The following RIMS2 variants were observed in gnomAD, a reference collection of about 807,000 sequenced individuals.
RIMS2 encodes the protein regulating synaptic membrane exocytosis 2, also known as regulating synaptic membrane exocytosis protein 2.
In RIMS2, 59 loss-of-function variants were observed where a neutral mutation model predicts 174.4. That is an observed-to-expected ratio of 0.34 (90% CI 0.27 to 0.42). The LOEUF is 0.42. Among genes scored for constraint, RIMS2 ranks in the 10% least tolerant of loss-of-function variants. The pLI is 1.00. For missense variants in RIMS2, 1,620 were observed against 1,666.3 expected (o/e 0.97, Z 0.48); for synonymous variants, 606 against 572.5 (o/e 1.06, Z -0.84).
chr8:103,776,182 A>T (rs1244390058), intron 3 of RIMS2, among the ~76,000 whole-genome samples: 1 of 152,152 alleles, frequency 6.6e-6, no homozygotes, highest in African/African-American at 2.4e-5. Flanking sequence ...AGGGTTCTCA[A>T]CTGAAATATA....
At chr8:104,255,192 T>C (rs1476592811), downstream of RIMS2, 1 of 152,098 alleles carries the variant, frequency 6.6e-6, no homozygotes, top group African/African-American at 2.4e-5. Context: ...GTCCCATATA[T>C]TTTTCCTTTA....
At chr8:103,916,701 A>T (rs1160995736) in intron 8 of RIMS2, among the ~76,000 whole-genome samples, 164 bp downstream of exon 11, 1 of 152,268 alleles carries the variant, frequency 6.6e-6, no homozygotes, top group South Asian at 2.1e-4. Flanking sequence ...AAATAATGAT[A>T]TCTCTTTATC....
At chr8:104,096,628 G>C (rs566275275) in intron 19 of RIMS2, among the ~76,000 whole-genome samples, 1 of 152,222 alleles carries the variant, frequency 6.6e-6, no homozygotes, top group East Asian at 1.9e-4. Context: ...CCAGCACTTT[G>C]GGAGTCTGAG....
At chr8:103,835,048 G>A (rs972949149) in intron 3 of RIMS2, among the ~76,000 whole-genome samples, 11 of 151,760 alleles carry the variant, frequency 7.2e-5, no homozygotes, top group African/African-American at 2.4e-4. Context: ...TGGGATTACA[G>A]GCATGAGCCC....
chr8:104,179,184 T>A (rs1249966478), intron 19 of RIMS2, among the ~76,000 whole-genome samples: 1 of 152,036 alleles, frequency 6.6e-6, no homozygotes, highest in Non-Finnish European at 1.5e-5. Flanking sequence ...GGTTAATCTA[T>A]AAAAACTTCA....
chr8:104,167,036 G>T (rs533355559), intron 19 of RIMS2, among the ~76,000 whole-genome samples: 5 of 152,234 alleles, frequency 3.3e-5, no homozygotes, highest in African/African-American at 1.2e-4. Flanking sequence ...TGGGCACTTA[G>T]ATTTGTTCCA....
intron 17 of RIMS2, among the ~76,000 whole-genome samples, chr8:104,006,541 ACTC>A (rs1355555649): frequency 6.6e-6 from 1 of 151,404 alleles, no homozygotes; most frequent in African/African-American, 2.4e-5. Flanking sequence ...CAAGAGCAAA[ACTC>A]CTCAAAAATA....
intron 1 of RIMS2, among the ~76,000 whole-genome samples, chr8:103,604,160 T>G (rs2094921371): frequency 6.7e-6 from 1 of 150,312 alleles, no homozygotes; most frequent in Admixed American, 6.6e-5. Context: ...TAATCCATCT[T>G]GAATTAATTT....
intron 14 of RIMS2, among the ~76,000 whole-genome samples, chr8:103,955,886 A>T (rs1215162926): frequency 6.6e-6 from 1 of 152,214 alleles, no homozygotes; most frequent in Non-Finnish European, 1.5e-5. Flanking sequence ...TTAAGCTAAT[A>T]AGCAACTTCA....
chr8:103,915,282 A>C (rs1218259139), intron 6 of RIMS2, among the ~76,000 whole-genome samples: 2 of 152,116 alleles, frequency 1.3e-5, no homozygotes, highest in African/African-American at 2.4e-5. Context: ...ATTATGGATT[A>C]AATGGCAAAA....
intron 2 of RIMS2, among the ~76,000 whole-genome samples, chr8:103,700,553 A>G (rs2097155833): frequency 6.6e-6 from 1 of 151,934 alleles, no homozygotes; most frequent in African/African-American, 2.4e-5. Flanking sequence ...GCCAGCATAT[A>G]GTTGGATCTT....
At chr8:103,550,834 C>T (rs779913566) in intron 1 of RIMS2, among the ~76,000 whole-genome samples, 12 of 152,100 alleles carry the variant, frequency 7.9e-5, no homozygotes, top group Admixed American at 1.3e-4. Flanking sequence ...AACACCTCTG[C>T]GCAAATAAAG....
At chr8:104,159,667 C>G (rs1370725103) in intron 19 of RIMS2, among the ~76,000 whole-genome samples, 1 of 152,108 alleles carries the variant, frequency 6.6e-6, no homozygotes. Flanking sequence ...TTGCATTTCC[C>G]TAATGATTAG....
chr8:103,724,272 G>A (rs2097498240), intron 2 of RIMS2, among the ~76,000 whole-genome samples: 1 of 152,130 alleles, frequency 6.6e-6, no homozygotes, highest in African/African-American at 2.4e-5. Context: ...ATGTTTCTGA[G>A]AGGGGGTGAG....
intron 1 of RIMS2, among the ~76,000 whole-genome samples, chr8:103,595,749 T>C (rs2094456746): frequency 6.6e-6 from 1 of 151,984 alleles, no homozygotes; most frequent in Non-Finnish European, 1.5e-5. Context: ...GATGTAGTTG[T>C]TGCTAACCTT....
chr8:104,175,411 G>C (rs955617248), intron 19 of RIMS2, among the ~76,000 whole-genome samples: 1 of 151,838 alleles, frequency 6.6e-6, no homozygotes, highest in South Asian at 2.1e-4. Flanking sequence ...AGGGTAAATG[G>C]GGTCTCTATC....
At chr8:103,557,874 T>C (rs1207025357) in intron 1 of RIMS2, among the ~76,000 whole-genome samples, 3 of 152,058 alleles carry the variant, frequency 2.0e-5, no homozygotes, top group Non-Finnish European at 2.9e-5. Context: ...GTACTGAAAA[T>C]GAGTAGTCTG....
intron 19 of RIMS2, among the ~76,000 whole-genome samples, chr8:104,120,076 C>T (rs893481930): frequency 3.9e-5 from 6 of 152,054 alleles, no homozygotes; most frequent in African/African-American, 1.2e-4. Flanking sequence ...GACTCTTAGC[C>T]CTCTGTGAAA....
Position 103,605,924 on chromosome 8 carries a change from A to G in RIMS2, c.177-91162A>G, listed in dbSNP as rs866750915. On this transcript the variant is annotated intron_variant, in intron 1 of 23. Coordinates refer to ENST00000504942, the Ensembl canonical transcript of RIMS2. ...TTATTAGTCTTGCTAGCAGTCTATCAATTTTGTTGATCCTTTCAAAAAACC... is the reference window on the plus strand; with the variant it reads ...TTATTAGTCTTGCTAGCAGTCTATCGATTTTGTTGATCCTTTCAAAAAACC... Among the ~76,000 whole-genome samples, 210 of 148,182 alleles carry G rather than the reference A, an allele frequency of 1.4e-3. 1 individual carries two copies. In the Middle Eastern group the frequency reaches 0.024, roughly 17 times the overall value.
Sources: allele counts gnomAD v4.1 joint callset (sites outside exome capture counted in the v4.1 genomes callset), GRCh38; gene constraint gnomAD v4.1.1; transcripts MANE v1.5; gene names NCBI Gene and HGNC (gene_info 2026-07-23, HGNC 2026-07-21).